KPNA5: variants seen among roughly 807,000 people sequenced by gnomAD.
KPNA5 encodes karyopherin subunit alpha 5, also known as importin subunit alpha-6.
In KPNA5, 46 loss-of-function variants were observed where a neutral mutation model predicts 71.3. The observed-to-expected ratio is 0.65, with a 90% confidence interval of 0.51 to 0.83. The LOEUF is 0.83. KPNA5 is among the 40% of genes least tolerant of loss of function. The pLI, the probability that KPNA5 is intolerant of heterozygous loss-of-function variation, is 0.00. For synonymous variants in KPNA5, 207 were observed against 201.4 expected (o/e 1.03, Z -0.24); for missense variants, 547 against 628.3 (o/e 0.87, Z 1.38).
At chr6:116,722,407 C>A in intron 9 of KPNA5, 118 bp downstream of exon 9, 1 of 836,456 alleles carries the variant, frequency 1.2e-6, no homozygotes, top group Non-Finnish European at 1.7e-6. Flanking sequence ...TAAAAAGCTA[C>A]TGACCCAACA....
rs575017420 is a variant in KPNA5, at chr6:116,689,577, C to A, written c.138+124C>A. 6.2e-6 allele frequency: 5 copies of A among 806,340 alleles called. No individual in the cohort carries two copies. The East Asian group carries it at 1.3e-4, about 21-fold the overall frequency. The allele number at this position is 806,340 out of a possible 1,614,324, so 49.9% of individuals were successfully genotyped here. ...AGCTAAATCTATTATTTATTAGACTCCAGGCATCATAATTGCAAATTTGTG... is the reference window on the plus strand; with the variant it reads ...AGCTAAATCTATTATTTATTAGACTACAGGCATCATAATTGCAAATTTGTG... On this transcript the variant is annotated intron_variant, in intron 2 of 13. Transcript: ENST00000368564.
rs1253956524 is a variant in KPNA5, at chr6:116,736,536, A to C, written c.*4213A>C. On this transcript the variant is annotated 3_prime_UTR_variant, in exon 14 of 14. Coordinates refer to ENST00000368564, the MANE Select transcript of KPNA5 (RefSeq NM_001366306.2). The stretch of plus-strand genomic sequence containing the variant: ...GTGCAGGGCTACAGTATGTTTTTTA[A>C]ATCACGTGAGAGTAACACAAAGTTT... The C allele has an allele frequency of 2.0e-5, 3 of 152,108 alleles. No individual in the cohort carries two copies. The East Asian group carries it at 5.8e-4, about 29-fold the overall frequency. 9.4% of individuals were successfully genotyped at this position (152,108 alleles called of 1,614,324 possible). A position where few individuals can be genotyped will look rare whatever the true frequency, so the allele number is the denominator to read the frequency against.
At position 116,722,187 on chromosome 6, in the gene KPNA5, C is replaced by T. The variant is rs762606088; in HGVS notation, c.818C>T (p.Ala273Val). Residue 273 changes from alanine (A) to valine (V), a missense_variant, in exon 9 of 14, where the codon GCA (alanine) becomes GTA (valine). Physicochemically the swap from Ala to Val is moderately conservative, Grantham distance 64 (BLOSUM62 0). Transcript: ENST00000368564. ...TTTAGCAGTGACCCAGATGTGTTAG[C>T]AGACGTGTGTTGGGCCCTTTCTTAT... ...LLFSSDPDVLADVCWALSYLS... is the reference protein window; with the variant it reads ...LLFSSDPDVLVDVCWALSYLS... 6.2e-7 allele frequency: 1 copy of T among 1,613,066 alleles called. No individual in the cohort carries two copies. Among genetic ancestry groups the T allele is most frequent in the East Asian group, 2.2e-5 (1 of 44,828 alleles).
At chr6:116,715,617 T>G (rs1778856262) in intron 7 of KPNA5, among the ~76,000 whole-genome samples, 1 of 152,176 alleles carries the variant, frequency 6.6e-6, no homozygotes, top group Admixed American at 6.5e-5. Flanking sequence ...ATTATTTTCA[T>G]GATTAAAGAA....
chr6:116,724,851 G>A (rs945083204), intron 10 of KPNA5, among the ~76,000 whole-genome samples: 1 of 152,168 alleles, frequency 6.6e-6, no homozygotes, highest in African/African-American at 2.4e-5. Flanking sequence ...CTGAGCTCAA[G>A]TGATCCTCCT....
chr6:116,697,284 T>C (rs1176128184), intron 4 of KPNA5, among the ~76,000 whole-genome samples: 1 of 152,046 alleles, frequency 6.6e-6, no homozygotes. Flanking sequence ...TAAGTTAGGG[T>C]CTGGAATTCA....
intron 1 of KPNA5, among the ~76,000 whole-genome samples, chr6:116,687,980 A>G (rs1297180858): frequency 6.6e-6 from 1 of 152,130 alleles, no homozygotes; most frequent in Non-Finnish European, 1.5e-5. Flanking sequence ...CTACCTTTAT[A>G]GCTTTATGTT....
At chr6:116,705,301 C>T in intron 7 of KPNA5, 141 bp downstream of exon 7, 1 of 581,008 alleles carries the variant, frequency 1.7e-6, no homozygotes, top group Non-Finnish European at 2.9e-6. Flanking sequence ...GCAGGTAGAA[C>T]CAAGAGAAAT....
chr6:116,729,870 C>T (rs377081503), intron 13 of KPNA5, 129 bp downstream of exon 13: 44 of 495,490 alleles, frequency 8.9e-5, no homozygotes, highest in Admixed American at 3.2e-4. Context: ...AAATGTCACC[C>T]GTAATTTTAT....
rs112279678 is a variant in KPNA5 at position 116,704,866 on chromosome 6, C to G, written c.568-206C>G. Among the ~76,000 whole-genome samples the G allele has an allele frequency of 2.8e-3, 432 of 152,314 alleles. 4 individuals are homozygous for G. The highest frequency in any genetic ancestry group is 0.01 in the African/African-American group (416 of 41,580). On this transcript the variant is annotated intron_variant, in intron 6 of 13. Coordinates refer to ENST00000368564, the MANE Select transcript of KPNA5 (RefSeq NM_001366306.2). ...TGCTGGGATTACACGCGTGAGCCAC[C>G]TTGTTCAGCTGGAAAACTTTTTAAA...
intron 13 of KPNA5, among the ~76,000 whole-genome samples, chr6:116,729,965 T>C (rs1436885100): frequency 6.6e-6 from 1 of 151,568 alleles, no homozygotes; most frequent in East Asian, 1.9e-4. Flanking sequence ...AATTGTATTG[T>C]ATGTATAGTT....
rs116613412 is a variant in KPNA5, at chr6:116,712,355, G to A, written c.657-3864G>A. ...GTTTGTCTCATTAGTGTAACTATTC[G>A]GATCTCTGTTATTATTTGCATGGAA... On this transcript the variant is annotated intron_variant, in intron 7 of 13. Coordinates refer to ENST00000368564, the MANE Select transcript of KPNA5 (RefSeq NM_001366306.2). Among the ~76,000 whole-genome samples, 1,114 of 152,172 alleles carry A rather than the reference G, an allele frequency of 7.3e-3. 18 individuals are homozygous for A. Among genetic ancestry groups the A allele is most frequent in the African/African-American group, 0.024 (984 of 41,508 alleles).
chr6:116,726,490 C>G lies in KPNA5; in HGVS notation c.1126-5C>G. On this transcript the variant is annotated splice_region_variant and splice_polypyrimidine_tract_variant and intron_variant, in intron 11 of 13. Transcript: ENST00000368564. Reference sequence around the variant, plus strand: ...GTACTGATTATATATTTTTCCCCCTCTCAGGCTGTTATAGATGCAAATATT... The same window carrying G: ...GTACTGATTATATATTTTTCCCCCTGTCAGGCTGTTATAGATGCAAATATT... The G allele has an allele frequency of 6.2e-7, 1 of 1,606,162 alleles. No homozygotes were observed. Among genetic ancestry groups the G allele is most frequent in the Non-Finnish European group, 8.5e-7 (1 of 1,174,706 alleles).
chr6:116,721,575 G>C (rs1353273563), intron 8 of KPNA5, among the ~76,000 whole-genome samples: 1 of 152,166 alleles, frequency 6.6e-6, no homozygotes, highest in Non-Finnish European at 1.5e-5. Flanking sequence ...GCCAACATTT[G>C]AGTGCCTACT....
rs761082425 is a variant in KPNA5, at chr6:116,698,753, G to C, written c.390G>C (p.Gln130His). The C allele has an allele frequency of 5.0e-6, 8 of 1,601,698 alleles. No homozygotes were observed. The highest frequency in any genetic ancestry group is 6.8e-6 in the Non-Finnish European group (8 of 1,174,346). Residue 130 changes from glutamine (Q) to histidine (H), a missense_variant, in exon 5 of 14, where the codon CAG (glutamine) becomes CAC (histidine). Physicochemically the swap from Gln to His is conservative, Grantham distance 24. Transcript: ENST00000368564. ...TTATACAGAAACCAGGAGTTGTACAGAGATTTGTGAAATTTCTTGAAAGAA... is the reference window on the plus strand; with the variant it reads ...TTATACAGAAACCAGGAGTTGTACACAGATTTGTGAAATTTCTTGAAAGAA... ...DQVIQKPGVV[Q>H]RFVKFLERNE...
intron 8 of KPNA5, among the ~76,000 whole-genome samples, chr6:116,719,101 C>T (rs1779012913): frequency 6.6e-6 from 1 of 152,158 alleles, no homozygotes; most frequent in Admixed American, 6.5e-5. Flanking sequence ...TTCATTTCTA[C>T]AATCCTATTT....
chr6:116,681,396 A>AACT (rs1479309257), intron 1 of KPNA5, 58 bp downstream of exon 1: 1 of 1,517,700 alleles, frequency 6.6e-7, no homozygotes, highest in Non-Finnish European at 8.8e-7. Flanking sequence ...TCCCTTTGGG[A>AACT]ACTACTAGTT....
Position 116,692,089 on chromosome 6 carries a change from A to C in KPNA5, c.173A>C (p.Asn58Thr), listed in dbSNP as rs747273513. The C allele has an allele frequency of 1.2e-6, 2 of 1,612,890 alleles. No homozygotes were observed. Among genetic ancestry groups the C allele is most frequent in the Admixed American group, 3.3e-5 (2 of 59,970 alleles). Reference protein sequence around the residue: ...FKRRNVYLPRNDESMLESPIQ... With the variant: ...FKRRNVYLPRTDESMLESPIQ... ...CGCAGAAATGTCTATTTGCCCAGAA[A>C]TGATGAATCTATGCTTGAAAGTCCT... Residue 58 changes from asparagine (N) to threonine (T), a missense_variant, in exon 3 of 14, where the codon AAT becomes ACT. By Grantham distance (65) the Asn-to-Thr change is moderately conservative (BLOSUM62 0). Transcript: ENST00000368564.
At chr6:116,706,518 C>CAGTAGAAACAT (rs1562441006) in intron 7 of KPNA5, among the ~76,000 whole-genome samples, 28 of 152,026 alleles carry the variant, frequency 1.8e-4, no homozygotes, top group African/African-American at 6.7e-4. Flanking sequence ...GGAGAAACCC[C>CAGTAGAAACAT]GTCTCTACTG....
Sources: allele counts gnomAD v4.1 joint callset (sites outside exome capture counted in the v4.1 genomes callset), GRCh38; gene constraint gnomAD v4.1.1; transcripts MANE v1.5; gene names NCBI Gene and HGNC (gene_info 2026-07-23, HGNC 2026-07-21).